Variants in ZNF469 observed in about 807,000 individuals in gnomAD.
ZNF469 encodes the protein zinc finger protein 469.
A neutral mutation model predicts 1.0 loss-of-function variants in ZNF469; 1 was observed. The ratio of observed to expected loss-of-function variants is 1.00; its 90% CI spans 0.35 to 4.73. The LOEUF is 4.73. Among genes scored for constraint, ZNF469 ranks in the 30% most tolerant of loss-of-function variants. The pLI is 0.16. For synonymous variants in ZNF469, 2,703 were observed against 2,363.4 expected, an observed-to-expected ratio of 1.14 and a Z score of -4.17; for missense variants, 6,100 against 5,356.3, an observed-to-expected ratio of 1.14 and a Z score of -4.33.
chr16:88,114,363 A>G, the ZNF469 span, among the ~76,000 whole-genome samples: 13 of 136,448 alleles, frequency 9.5e-5, 1 homozygote, highest in East Asian at 2.1e-3. Flanking sequence ...GGGGAGAATG[A>G]CAGGGACCAC....
the ZNF469 span, among the ~76,000 whole-genome samples, chr16:88,184,544 C>T: frequency 6.6e-6 from 1 of 151,982 alleles, no homozygotes; most frequent in African/African-American, 2.4e-5. Flanking sequence ...CAGCCTGTGC[C>T]TCCCGCCGGC....
Position 88,433,422 on chromosome 16 carries a change from C to T in ZNF469, c.5952C>T (p.Gly1984=). The change falls in exon 3 of 3, where the codon GGC becomes GGT. Residue 1984 remains glycine, a synonymous_variant. Transcript: ENST00000565624. ...GGCTGGAGGCAGATGGACATTGGGG[C>T]TTGCTTGGCCAAGCCGAGAAAACCC... ...QLGLEADGHW[G]LLGQAEKTQG... 1 of 1,550,370 alleles carries T rather than the reference C, an allele frequency of 6.5e-7. No homozygotes were observed. Among genetic ancestry groups the T allele is most frequent in the Non-Finnish European group, 8.7e-7 (1 of 1,146,960 alleles).
At chr16:88,202,386 C>G in the ZNF469 span, among the ~76,000 whole-genome samples, 1 of 152,278 alleles carries the variant, frequency 6.6e-6, no homozygotes, top group African/African-American at 2.4e-5. Context: ...GCTGTCCTGC[C>G]TGCCTGTGGG....
At chr16:88,119,057 C>G in the ZNF469 span, among the ~76,000 whole-genome samples, 3 of 152,190 alleles carry the variant, frequency 2.0e-5, no homozygotes, top group African/African-American at 7.2e-5. Context: ...GTTTCAAAGT[C>G]TTTTGCAATT....
the ZNF469 span, among the ~76,000 whole-genome samples, chr16:88,210,974 C>T: frequency 6.6e-6 from 1 of 152,224 alleles, no homozygotes; most frequent in African/African-American, 2.4e-5. Flanking sequence ...GTTGCCTTAG[C>T]AGTAGGAATT....
chr16:88,437,860 C>T lies in ZNF469; in HGVS notation c.10390C>T (p.Arg3464Trp), dbSNP rs947418911. ...GCCGGGAGCGCCGGGACAGAAGGCC[C>T]GGGCCCTCGAGGGCACACTGCCCAG... ...RRPGAPGQKA[R>W]ALEGTLPSKR... The change falls in exon 3 of 3, where the codon CGG becomes TGG. Residue 3464 changes from arginine (R) to tryptophan (W), a missense_variant. Coordinates refer to ENST00000565624, the MANE Select transcript of ZNF469 (RefSeq NM_001367624.2). The T allele has an allele frequency of 1.4e-5, 22 of 1,539,228 alleles. No homozygotes were observed. The African/African-American group carries it at 2.3e-4, about 16-fold the overall frequency.
chr16:88,436,428 C>A lies in ZNF469; in HGVS notation c.8958C>A (p.Ala2986=). 6.5e-7 allele frequency: 1 copy of A among 1,548,692 alleles called. No homozygotes were observed. The highest frequency in any genetic ancestry group is 8.7e-7 in the Non-Finnish European group (1 of 1,146,956). Residue 2986 remains alanine (A), a synonymous_variant, in exon 3 of 3, where the codon GCC becomes GCA. Transcript: ENST00000565624. ...GCCCCGAGGACGATCGGCCGGAGGC[C>A]ATTCCTGAGCTGCACATGGTCCCAG... ...SHCPEDDRPE[A]IPELHMVPAA...
chr16:88,140,899 C>G, the ZNF469 span, among the ~76,000 whole-genome samples: 1 of 152,158 alleles, frequency 6.6e-6, no homozygotes, highest in Admixed American at 6.5e-5. Flanking sequence ...TGCCATTGCA[C>G]TGCAGCCTGG....
At chr16:88,198,715 G>C in the ZNF469 span, among the ~76,000 whole-genome samples, 2 of 152,220 alleles carry the variant, frequency 1.3e-5, no homozygotes, top group East Asian at 3.9e-4. Flanking sequence ...CCAGGCCTTG[G>C]AGTTGTGAAA....
the ZNF469 span, among the ~76,000 whole-genome samples, chr16:88,198,261 G>C: frequency 6.6e-6 from 1 of 152,228 alleles, no homozygotes; most frequent in East Asian, 1.9e-4. Context: ...GGAGTGTGGG[G>C]AGGGGCTTCT....
At chr16:88,244,810 A>G in the ZNF469 span, among the ~76,000 whole-genome samples, 1 of 147,688 alleles carries the variant, frequency 6.8e-6, no homozygotes, top group Non-Finnish European at 1.5e-5. Context: ...ACTGGTGCAT[A>G]TTATATGCCC....
intron 2 of ZNF469, among the ~76,000 whole-genome samples, chr16:88,425,588 C>T (rs1905665614): frequency 6.6e-6 from 1 of 152,232 alleles, no homozygotes; most frequent in African/African-American, 2.4e-5. Context: ...GGATTCCTCA[C>T]CCATAAATTC....
chr16:88,250,289 A>G, the ZNF469 span, among the ~76,000 whole-genome samples: 5,555 of 152,208 alleles, frequency 0.036, 326 homozygotes, highest in African/African-American at 0.13. Context: ...TGAACTTTAT[A>G]TGAGTGGAAT....
the ZNF469 span, among the ~76,000 whole-genome samples, chr16:88,251,560 T>G: frequency 1.8e-5 from 2 of 109,874 alleles, no homozygotes; most frequent in African/African-American, 3.2e-5. Context: ...TTTTTTTTTT[T>G]TTTTTTTTTT....
rs537085488 is a variant in ZNF469 at position 88,433,249 on chromosome 16, C to T, written c.5779C>T (p.Pro1927Ser). The change falls in exon 3 of 3, where the codon CCT (proline) becomes TCT (serine). Residue 1927 changes from proline to serine, a missense_variant. By Grantham distance (74) the Pro-to-Ser change is moderately conservative. Coordinates refer to ENST00000565624, the MANE Select transcript of ZNF469 (RefSeq NM_001367624.2). The stretch of plus-strand genomic sequence containing the variant: ...CATCCTGGGCTTGCAGGAGCTGACA[C>T]CTGCTGCCCAGAGCCCTCCACGAGT... ...DGILGLQELT[P>S]AAQSPPRVNP... 7.0e-5 allele frequency: 109 copies of T among 1,550,114 alleles called. No homozygotes were observed. The highest frequency in any genetic ancestry group is 9.3e-5 in the Non-Finnish European group (107 of 1,146,934).
chr16:88,318,510 C>A, the ZNF469 span, among the ~76,000 whole-genome samples: 598 of 151,856 alleles, frequency 3.9e-3, 4 homozygotes, highest in Non-Finnish European at 7.0e-3. Context: ...CTCCCCCCAG[C>A]CCTTTAGCAA....
chr16:88,238,246 A>G, the ZNF469 span, among the ~76,000 whole-genome samples: 1 of 152,234 alleles, frequency 6.6e-6, no homozygotes, highest in Non-Finnish European at 1.5e-5. Flanking sequence ...ATGGTAGGGA[A>G]CAGAAGGGAG....
the ZNF469 span, among the ~76,000 whole-genome samples, chr16:88,231,630 C>T: frequency 6.6e-6 from 1 of 152,192 alleles, no homozygotes; most frequent in Admixed American, 6.5e-5. The surrounding 1 kb of genome is among the most constrained non-coding windows in gnomAD (Gnocchi z 4.5). Context: ...CTTCCTCCAC[C>T]TTCCAGGCCA....
At chr16:88,175,931 A>T in the ZNF469 span, among the ~76,000 whole-genome samples, 1 of 152,230 alleles carries the variant, frequency 6.6e-6, no homozygotes. Flanking sequence ...TGATCTAGGA[A>T]TTATCCTACC....
Sources: allele counts gnomAD v4.1 joint callset (sites outside exome capture counted in the v4.1 genomes callset), GRCh38; gene constraint gnomAD v4.1.1; non-coding constraint Gnocchi (gnomAD v3.1); transcripts MANE v1.5; gene names NCBI Gene and HGNC (gene_info 2026-07-23, HGNC 2026-07-21).